ADAM17: variants seen among roughly 807,000 people sequenced by gnomAD.
ADAM17 encodes ADAM metallopeptidase domain 17.
Under a neutral mutation model 96.7 loss-of-function variants are expected in ADAM17, and 39 were observed. That is an observed-to-expected ratio of 0.40 (90% confidence interval 0.31 to 0.53). The LOEUF (loss-of-function observed/expected upper bound fraction) is 0.53, where lower values mean the gene tolerates loss of function less well. Among genes scored for constraint, ADAM17 ranks in the 20% least tolerant of loss-of-function variants. The pLI is 0.44. For synonymous variants in ADAM17, 344 were observed against 359.2 expected, an observed-to-expected ratio of 0.96 and a Z score of 0.48; for missense variants, 777 against 1,013.2, an observed-to-expected ratio of 0.77 and a Z score of 3.17.
intron 2 of ADAM17, among the ~76,000 whole-genome samples, chr2:9,537,252 C>G (rs1185320120): frequency 1.3e-5 from 2 of 152,132 alleles, no homozygotes; most frequent in Non-Finnish European, 2.9e-5. Context: ...CCACTTCACA[C>G]AAGTACAAAT....
At chr2:9,527,279 G>A (rs1242784176) in intron 5 of ADAM17, among the ~76,000 whole-genome samples, 2 of 114,146 alleles carry the variant, frequency 1.8e-5, no homozygotes, top group Admixed American at 8.3e-5. Flanking sequence ...CCGAGATCGC[G>A]CTGCAAACAA....
intron 1 of ADAM17, among the ~76,000 whole-genome samples, chr2:9,549,264 A>C (rs1157617201): frequency 2.0e-5 from 3 of 152,100 alleles, no homozygotes; most frequent in Non-Finnish European, 4.4e-5. Flanking sequence ...CCAGCTACTC[A>C]GAAGCCTGAG....
At chr2:9,509,219 C>G (rs1663591433) in intron 11 of ADAM17, among the ~76,000 whole-genome samples, 1 of 152,214 alleles carries the variant, frequency 6.6e-6, no homozygotes, top group Non-Finnish European at 1.5e-5. Flanking sequence ...CACCGACCCT[C>G]TTTAACTCAG....
Position 9,490,311 on chromosome 2 carries a change from G to A in ADAM17, c.2341C>T (p.Pro781Ser). Residue 781 changes from proline (P) to serine (S), a missense_variant, in exon 19 of 19, where the codon CCC becomes TCC. Around this residue, in one of 3 missense-constraint regions of ADAM17, gnomAD observed 197 missense variants for 219.4 expected, o/e 0.90. Coordinates refer to ENST00000310823, the MANE Select transcript of ADAM17 (RefSeq NM_003183.6). ...GCAGCTGTGCTGCTATTTGGGAAGG[G>A]GTCCTTCTCAAACCCATCCTCGTCC... ...HMDEDGFEKD[P>S]FPNSSTAAKS... 1 of 1,614,094 alleles carries A rather than the reference G, an allele frequency of 6.2e-7. No homozygotes were observed. The highest frequency in any genetic ancestry group is 1.1e-5 in the South Asian group (1 of 91,054).
chr2:9,499,726 G>A (rs1662888530), intron 13 of ADAM17, among the ~76,000 whole-genome samples: 2 of 152,156 alleles, frequency 1.3e-5, no homozygotes, highest in African/African-American at 2.4e-5. Flanking sequence ...ATTTGGCAAA[G>A]TAATGTGATA....
Position 9,489,906 on chromosome 2 carries a change from G to GT in ADAM17, c.*270dup, listed in dbSNP as rs1661972763. 5.4e-6 allele frequency: 2 copies of GT among 371,328 alleles called. No individual in the cohort carries two copies. Among genetic ancestry groups the GT allele is most frequent in the Non-Finnish European group, 9.7e-6 (2 of 205,452 alleles). 23.0% of individuals were successfully genotyped at this position (371,328 alleles called of 1,614,324 possible). A position where few individuals can be genotyped will look rare whatever the true frequency, so the allele number is the denominator to read the frequency against. ...TAAATATTCATAACCCAATCCAGCT[G>GT]TATTTTCTGCTTTTGCACCACAGGT... On this transcript the variant is annotated 3_prime_UTR_variant, in exon 19 of 19. Transcript: ENST00000310823.
At chr2:9,508,203 T>C (rs1663528757) in intron 11 of ADAM17, among the ~76,000 whole-genome samples, 1 of 152,206 alleles carries the variant, frequency 6.6e-6, no homozygotes, top group Admixed American at 6.5e-5. Flanking sequence ...CCACCAACCA[T>C]ATGTGGCTAC....
chr2:9,490,423 A>AG lies in ADAM17; in HGVS notation c.2228dup (p.Val744CysfsTer35). The AG allele has an allele frequency of 6.2e-7, 1 of 1,614,160 alleles. No homozygotes were observed. Among genetic ancestry groups the AG allele is most frequent in the Non-Finnish European group, 8.5e-7 (1 of 1,180,008 alleles). ...GAGCTGCTGGCGCCGAAGGGATCAC[A>AG]GGGGCAGGCTGCAGGCGGCCTGGAG... On this transcript the variant is annotated frameshift_variant, in exon 19 of 19. Coordinates refer to ENST00000310823, the MANE Select transcript of ADAM17 (RefSeq NM_003183.6). LOFTEE classifies it high-confidence loss of function.
At chr2:9,515,983 G>A (rs548421124) in intron 10 of ADAM17, among the ~76,000 whole-genome samples, 1 of 152,132 alleles carries the variant, frequency 6.6e-6, no homozygotes, top group South Asian at 2.1e-4. Context: ...GCCCAGGATG[G>A]GTCTCAAACT....
intron 14 of ADAM17, 162 bp from the exon 15 acceptor site, chr2:9,494,929 T>G: frequency 2.5e-6 from 2 of 803,038 alleles, no homozygotes; most frequent in Non-Finnish European, 3.7e-6. Flanking sequence ...AGGAGTAGTT[T>G]CTGAGGTCAC....
At chr2:9,490,723 C>G (rs1267610496) in intron 18 of ADAM17, among the ~76,000 whole-genome samples, 1 of 152,086 alleles carries the variant, frequency 6.6e-6, no homozygotes, top group Non-Finnish European at 1.5e-5. Context: ...CTTTTAATGG[C>G]AAAAACAGTA....
Position 9,494,813 on chromosome 2 carries a change from G to A in ADAM17, c.1784-46C>T, listed in dbSNP as rs35975089. On this transcript the variant is annotated intron_variant, in intron 14 of 18. Transcript: ENST00000310823. ...TGACAGCTGGATTGTTCTGAGACCT[G>A]CCTCTCCTCCTGCCTCCTCTTTCCT... is the stretch of plus-strand genomic sequence containing the variant. The A allele has an allele frequency of 0.012, 19,488 of 1,604,468 alleles. 2,087 individuals carry two copies. In the African/African-American group the frequency reaches 0.23, roughly 19 times the overall value.
intron 4 of ADAM17, among the ~76,000 whole-genome samples, chr2:9,535,243 A>AT (rs1237500982): frequency 6.6e-6 from 1 of 152,218 alleles, no homozygotes; most frequent in Non-Finnish European, 1.5e-5. Flanking sequence ...GAGTCTTCTC[A>AT]TTTTTCAGGA....
At chr2:9,517,773 T>G (rs1391777680) in intron 10 of ADAM17, 128 bp downstream of exon 10, 2 of 600,744 alleles carry the variant, frequency 3.3e-6, no homozygotes, top group Non-Finnish European at 5.2e-6. Flanking sequence ...ATACATAAAT[T>G]TTATTTAGGC....
chr2:9,537,720 A>C (rs977220048), intron 2 of ADAM17, among the ~76,000 whole-genome samples: 1 of 151,882 alleles, frequency 6.6e-6, no homozygotes, highest in Admixed American at 6.6e-5. Flanking sequence ...ACTCCCGCTC[A>C]AAATAAGAAA....
At chr2:9,500,486 G>A (rs1176652774) in intron 13 of ADAM17, among the ~76,000 whole-genome samples, 1 of 152,154 alleles carries the variant, frequency 6.6e-6, no homozygotes, top group Non-Finnish European at 1.5e-5. Context: ...TAATTGTGAT[G>A]ACTGCATAAA....
At chr2:9,536,595 C>T (rs978212782) in intron 3 of ADAM17, 103 bp downstream of exon 3, 5 of 1,483,326 alleles carry the variant, frequency 3.4e-6, no homozygotes, top group East Asian at 4.6e-5. Context: ...TTCTATGACA[C>T]CCCGTCCCCA....
At chr2:9,507,291 G>A (rs1265203644) in intron 11 of ADAM17, among the ~76,000 whole-genome samples, 1 of 152,086 alleles carries the variant, frequency 6.6e-6, no homozygotes, top group African/African-American at 2.4e-5. Context: ...GGAGTTTGTT[G>A]ACCAGTCAGT....
intron 1 of ADAM17, among the ~76,000 whole-genome samples, chr2:9,553,111 C>G (rs1665632490): frequency 1.3e-5 from 2 of 152,114 alleles, no homozygotes; most frequent in Admixed American, 1.3e-4. Context: ...ACCCACAAGG[C>G]CTATGTTCAT....
Sources: allele counts gnomAD v4.1 joint callset (sites outside exome capture counted in the v4.1 genomes callset), GRCh38; gene constraint gnomAD v4.1.1; regional missense constraint gnomAD v4.1.1; transcripts MANE v1.5; gene names NCBI Gene and HGNC (gene_info 2026-07-23, HGNC 2026-07-21).